Variants in WWOX observed in about 807,000 individuals in gnomAD.
WWOX encodes WW domain-containing oxidoreductase.
Under a neutral mutation model 46.2 loss-of-function variants are expected in WWOX, and 69 were observed. The ratio of observed to expected loss-of-function variants is 1.49; its 90% CI spans 1.23 to 1.82. WWOX has a LOEUF of 1.82. WWOX is among the 40% of genes most tolerant of loss of function. The probability of loss-of-function intolerance (pLI) is 0.00; values close to 1 mark genes in which losing one functional copy is unlikely to be tolerated. For synonymous variants in WWOX, 359 were observed against 202.6 expected, an observed-to-expected ratio of 1.77 and a Z score of -6.56; for missense variants, 919 against 542.6, an observed-to-expected ratio of 1.69 and a Z score of -6.89.
chr16:78,858,722 C>A (rs1171736137), intron 8 of WWOX, among the ~76,000 whole-genome samples: 1 of 151,732 alleles, frequency 6.6e-6, no homozygotes, highest in African/African-American at 2.4e-5. Context: ...CTTCATCACC[C>A]ATTCTGTAGT....
intron 8 of WWOX, among the ~76,000 whole-genome samples, chr16:78,831,275 A>G (rs1214271285): frequency 6.6e-6 from 1 of 152,202 alleles, no homozygotes; most frequent in Non-Finnish European, 1.5e-5. Flanking sequence ...TAGTGCTTTC[A>G]GCAAAGAATA....
intron 5 of WWOX, among the ~76,000 whole-genome samples, chr16:78,375,200 C>T (rs1404928259): frequency 6.6e-6 from 1 of 152,218 alleles, no homozygotes; most frequent in East Asian, 1.9e-4. Context: ...GTCGTCATTT[C>T]TCAAGCGTGA....
chr16:78,500,405 T>TTTCC (rs869134503), intron 8 of WWOX, among the ~76,000 whole-genome samples: 1 of 148,958 alleles, frequency 6.7e-6, no homozygotes, highest in Non-Finnish European at 1.5e-5. Flanking sequence ...CCTTTTCTTC[T>TTTCC]TTCCTTCCTT....
At chr16:78,520,307 A>C (rs942285239) in intron 8 of WWOX, among the ~76,000 whole-genome samples, 1 of 152,226 alleles carries the variant, frequency 6.6e-6, no homozygotes, top group Admixed American at 6.5e-5. Context: ...TTTTAGATGT[A>C]AAAGTGGATG....
rs115467847 is a variant in WWOX, at chr16:78,853,694, C to G, written c.1057-357914C>G. The stretch of plus-strand genomic sequence containing the variant: ...TACTTCTAAAGTAATGTAGTATGCA[C>G]TCTCCTGCGTGGTGGGGGTGTAGTG... On this transcript the variant is annotated intron_variant, in intron 8 of 8. Transcript: ENST00000566780. Among the ~76,000 whole-genome samples the G allele has an allele frequency of 7.8e-3, 1,180 of 152,230 alleles. 26 individuals carry two copies. Among genetic ancestry groups the G allele is most frequent in the African/African-American group, 0.027 (1,128 of 41,544 alleles).
intron 8 of WWOX, among the ~76,000 whole-genome samples, chr16:78,996,881 T>G (rs1212110574): frequency 1.3e-5 from 2 of 152,226 alleles, no homozygotes; most frequent in Non-Finnish European, 2.9e-5. Context: ...GCTGCAGAGC[T>G]GCGTCCACAG....
chr16:78,261,770 ATG>A (rs1410962560), intron 5 of WWOX, among the ~76,000 whole-genome samples: 3 of 132,588 alleles, frequency 2.3e-5, no homozygotes, highest in Non-Finnish European at 4.8e-5. Flanking sequence ...CTATCTATCT[ATG>A]TATCTATCTA....
chr16:78,801,194 AAAAC>A (rs201057161), intron 8 of WWOX, among the ~76,000 whole-genome samples: 1 of 152,006 alleles, frequency 6.6e-6, no homozygotes, highest in African/African-American at 2.4e-5. Context: ...CTACCTCATT[AAAAC>A]AAACAAACAA....
intron 8 of WWOX, among the ~76,000 whole-genome samples, chr16:78,726,058 C>T (rs1362057596): frequency 1.7e-5 from 2 of 120,904 alleles, no homozygotes; most frequent in East Asian, 5.2e-4. Flanking sequence ...ACTTTTACTC[C>T]TCCCTGCTTC....
At chr16:78,667,764 T>G (rs1170026319) in intron 8 of WWOX, among the ~76,000 whole-genome samples, 1 of 152,058 alleles carries the variant, frequency 6.6e-6, no homozygotes, top group Non-Finnish European at 1.5e-5. Flanking sequence ...ATGAACTCAT[T>G]TGAGAGCTCT....
chr16:78,968,361 C>T (rs1285384234), intron 8 of WWOX, among the ~76,000 whole-genome samples: 1 of 152,200 alleles, frequency 6.6e-6, no homozygotes, highest in African/African-American at 2.4e-5. Context: ...GAGCCCTGGC[C>T]ATTTTGTGTA....
At chr16:79,133,827 A>G (rs1479889925) in intron 8 of WWOX, among the ~76,000 whole-genome samples, 2 of 152,228 alleles carry the variant, frequency 1.3e-5, no homozygotes, top group African/African-American at 4.8e-5. Context: ...GACATTGGTC[A>G]ATCCTCAGTA....
At chr16:78,573,186 T>C (rs2044761929) in intron 8 of WWOX, among the ~76,000 whole-genome samples, 1 of 152,110 alleles carries the variant, frequency 6.6e-6, no homozygotes, top group Non-Finnish European at 1.5e-5. Flanking sequence ...CTCAGGAGGC[T>C]GAGGCAGGAG....
chr16:78,787,800 C>T (rs1195771705), intron 8 of WWOX, among the ~76,000 whole-genome samples: 1 of 152,152 alleles, frequency 6.6e-6, no homozygotes, highest in Non-Finnish European at 1.5e-5. Flanking sequence ...TATGAAGGTT[C>T]CAATTTCTCC....
chr16:79,054,397 G>A (rs2048224553), intron 8 of WWOX, among the ~76,000 whole-genome samples: 1 of 152,184 alleles, frequency 6.6e-6, no homozygotes, highest in African/African-American at 2.4e-5. Flanking sequence ...GCATCCTAGA[G>A]GAGGAAAATG....
chr16:78,399,087 A>ATGGAAGGGG (rs1187388374), intron 6 of WWOX, among the ~76,000 whole-genome samples: 1 of 146,020 alleles, frequency 6.8e-6, no homozygotes, highest in Non-Finnish European at 1.5e-5. Flanking sequence ...GGCTAGATGG[A>ATGGAAGGGG]TGGAAGGGGT....
At chr16:78,417,510 CAAAAA>C (rs377530005) in intron 6 of WWOX, among the ~76,000 whole-genome samples, 1 of 151,476 alleles carries the variant, frequency 6.6e-6, no homozygotes, top group Non-Finnish European at 1.5e-5. Context: ...AGTTAGTACT[CAAAAA>C]AGGAAAAAAA....
chr16:78,726,186 C>T (rs1036659419), intron 8 of WWOX, among the ~76,000 whole-genome samples: 2 of 146,302 alleles, frequency 1.4e-5, no homozygotes, highest in East Asian at 4.1e-4. Flanking sequence ...CTCTCTCTCT[C>T]TCTTTCCTTC....
At chr16:78,677,773 CAG>C (rs1268073973) in intron 8 of WWOX, among the ~76,000 whole-genome samples, 1 of 152,188 alleles carries the variant, frequency 6.6e-6, no homozygotes, top group Non-Finnish European at 1.5e-5. Context: ...GGTATTAAAA[CAG>C]AGGAAACATG....
Sources: gnomAD v4.1 joint callset for allele counts (sites outside exome capture counted in the v4.1 genomes callset) on GRCh38, gnomAD v4.1.1 for gene constraint, MANE v1.5 for transcripts, NCBI Gene and HGNC (gene_info 2026-07-23, HGNC 2026-07-21) for gene names.